Variants in MAP2K6 observed in about 807,000 individuals in gnomAD.
MAP2K6 encodes the protein mitogen-activated protein kinase kinase 6.
Under a neutral mutation model 53.7 loss-of-function variants are expected in MAP2K6, and 16 were observed. The ratio of observed to expected loss-of-function variants is 0.30; its 90% confidence interval spans 0.20 to 0.45. The LOEUF is 0.45. Among genes scored for constraint, MAP2K6 ranks in the 20% least tolerant of loss-of-function variants. MAP2K6 has a pLI of 1.00. For missense variants in MAP2K6, 204 were observed against 411.9 expected (o/e 0.50, Z 4.37); for synonymous variants, 132 against 143.1 (o/e 0.92, Z 0.55).
In MAP2K6 at chr17:69,446,976, C is replaced by CTTTTTTTTTTTTTTTTTTTTTT. The variant is rs71357721; in HGVS notation, c.16+31994_16+31995insTTTTTTTTTTTTTTTTTTTTTT. On this transcript the variant is annotated intron_variant, in intron 1 of 11. Coordinates refer to ENST00000590474, the MANE Select transcript of MAP2K6 (RefSeq NM_002758.4). ...TTGTATTTTATTATAACCTCTGTTT[C>CTTTTTTTTTTTTTTTTTTTTTT]TTTTTTTTTTTTTTTTTTGAGACGG... Among the ~76,000 whole-genome samples, 2 of 129,522 alleles carry CTTTTTTTTTTTTTTTTTTTTTT rather than the reference C, an allele frequency of 1.5e-5. 1 individual carries two copies. 85.0% of individuals were successfully genotyped at this position (129,522 alleles called of 152,430 possible).
At position 69,549,943 on chromosome 17, in the gene MAP2K6, A is replaced by G. The variant is rs1912027339; in HGVS notation, c.*8190A>G. On this transcript the variant is annotated 3_prime_UTR_variant, in exon 12 of 12. Coordinates refer to ENST00000590474, the MANE Select transcript of MAP2K6 (RefSeq NM_002758.4). The stretch of plus-strand genomic sequence containing the variant: ...ATGCAAAGGTTGGTGCTAAATTAGG[A>G]ACCCCTTGAAGGAGCAAGCTGATTA... The G allele has an allele frequency of 6.6e-6, 1 of 152,112 alleles. No individual in the cohort carries two copies. Among genetic ancestry groups the G allele is most frequent in the Non-Finnish European group, 1.5e-5 (1 of 68,006 alleles). The allele number at this position is 152,112 out of a possible 1,614,324, so 9.4% of individuals were successfully genotyped here.
rs561053269 is a variant in MAP2K6, at chr17:69,487,969, G to A, written c.17-17811G>A. Among the ~76,000 whole-genome samples, 124 of 152,104 alleles carry A rather than the reference G, an allele frequency of 8.2e-4. 1 individual carries two copies. Among genetic ancestry groups the A allele is most frequent in the South Asian group, 2.9e-3 (14 of 4,814 alleles). On this transcript the variant is annotated intron_variant, in intron 1 of 11. Transcript: ENST00000590474. ...TGATTAGCCATTAAAATCAGTTTGG[G>A]AATTAAAGAGCTTCTGTATAGCAAA...
At chr17:69,536,271 T>C (rs1372672608) in intron 11 of MAP2K6, 111 bp downstream of exon 11, 1 of 771,136 alleles carries the variant, frequency 1.3e-6, no homozygotes, top group Non-Finnish European at 2.2e-6. Context: ...GGTTCATTGA[T>C]ACATCAGTGA....
At chr17:69,454,140 A>G (rs149362884) in intron 1 of MAP2K6, among the ~76,000 whole-genome samples, 120 of 152,320 alleles carry the variant, frequency 7.9e-4, no homozygotes, top group African/African-American at 2.8e-3. Context: ...TAGGAGCAAT[A>G]AAAGAAATAT....
chr17:69,500,324 C>A (rs1413882120), intron 1 of MAP2K6, among the ~76,000 whole-genome samples: 1 of 151,558 alleles, frequency 6.6e-6, no homozygotes, highest in African/African-American at 2.4e-5. Context: ...CCTGTATTCC[C>A]AGTCGCAGCT....
In MAP2K6 at chr17:69,541,866, C is replaced by T; in HGVS notation, c.*113C>T. 1 of 754,946 alleles carries T rather than the reference C, an allele frequency of 1.3e-6. No homozygotes were observed. The highest frequency in any genetic ancestry group is 2.2e-6 in the Non-Finnish European group (1 of 461,268). 46.8% of individuals were successfully genotyped at this position (754,946 alleles called of 1,614,324 possible). On this transcript the variant is annotated 3_prime_UTR_variant, in exon 12 of 12. Coordinates refer to ENST00000590474, the MANE Select transcript of MAP2K6 (RefSeq NM_002758.4). ...TCTTTGAGATAATTTAACCCTGCCT[C>T]TCAGAGGGTTTTCTCTCCCAATTTT...
At chr17:69,486,686 G>A (rs1908549809) in intron 1 of MAP2K6, among the ~76,000 whole-genome samples, 1 of 152,176 alleles carries the variant, frequency 6.6e-6, no homozygotes, top group South Asian at 2.1e-4. Context: ...TTTTCAAATA[G>A]TCACTTCAGC....
rs1197893491 is a variant in MAP2K6 at position 69,543,914 on chromosome 17, C to T, written c.*2161C>T. The T allele has an allele frequency of 6.6e-6, 1 of 152,178 alleles. No individual in the cohort carries two copies. Among genetic ancestry groups the T allele is most frequent in the Non-Finnish European group, 1.5e-5 (1 of 68,034 alleles). 9.4% of individuals were successfully genotyped at this position (152,178 alleles called of 1,614,324 possible). A position where few individuals can be genotyped will look rare whatever the true frequency, so the allele number is the denominator to read the frequency against. ...GTCTATGGTTCTCAACCCTCGTGTA[C>T]ATTGGAACCATCTGGGAGCTGTGAA... On this transcript the variant is annotated 3_prime_UTR_variant, in exon 12 of 12. Coordinates refer to ENST00000590474, the MANE Select transcript of MAP2K6 (RefSeq NM_002758.4).
intron 8 of MAP2K6, 107 bp downstream of exon 8, chr17:69,523,748 C>T: frequency 7.3e-7 from 1 of 1,376,884 alleles, no homozygotes; most frequent in South Asian, 1.3e-5. Flanking sequence ...GTACCTAAGA[C>T]TCCAGAAGTA....
chr17:69,416,982 C>G (rs193286792), intron 1 of MAP2K6, among the ~76,000 whole-genome samples: 1 of 152,178 alleles, frequency 6.6e-6, no homozygotes, highest in Admixed American at 6.5e-5. Flanking sequence ...CTGCACTCTT[C>G]CCTATGGATG....
At chr17:69,453,565 C>A (rs1244562527) in intron 1 of MAP2K6, among the ~76,000 whole-genome samples, 2 of 152,182 alleles carry the variant, frequency 1.3e-5, no homozygotes, top group African/African-American at 4.8e-5. Flanking sequence ...TCCTGCTCAC[C>A]TCTCTCCTTT....
chr17:69,439,438 T>C (rs1906750454), intron 1 of MAP2K6, among the ~76,000 whole-genome samples: 7 of 152,200 alleles, frequency 4.6e-5, no homozygotes, highest in Admixed American at 4.6e-4. Context: ...ATTAGATGCC[T>C]GAGATTTCTA....
chr17:69,415,458 G>A (rs2145120644), intron 1 of MAP2K6, among the ~76,000 whole-genome samples: 1 of 152,262 alleles, frequency 6.6e-6, no homozygotes, highest in East Asian at 1.9e-4. Flanking sequence ...TATTCTTTGG[G>A]GGAAATAGAC....
At chr17:69,453,621 TATTG>T in intron 1 of MAP2K6, among the ~76,000 whole-genome samples, 1 of 152,246 alleles carries the variant, frequency 6.6e-6, no homozygotes, top group Non-Finnish European at 1.5e-5. Context: ...TTGAATTGCT[TATTG>T]ATTGATAATT....
intron 2 of MAP2K6, among the ~76,000 whole-genome samples, chr17:69,514,973 C>G (rs893564223): frequency 6.6e-6 from 1 of 152,132 alleles, no homozygotes; most frequent in Non-Finnish European, 1.5e-5. Flanking sequence ...TCTTTTCTCT[C>G]TCACTTTCAT....
chr17:69,516,795 G>T, intron 2 of MAP2K6, 60 bp from the exon 3 acceptor site: 1 of 1,246,828 alleles, frequency 8.0e-7, no homozygotes, highest in Non-Finnish European at 1.2e-6. Flanking sequence ...TGTGTGATTT[G>T]GGAAGGACAT....
chr17:69,535,287 T>TC (rs1191177717), intron 10 of MAP2K6, among the ~76,000 whole-genome samples: 1 of 152,194 alleles, frequency 6.6e-6, no homozygotes, highest in African/African-American at 2.4e-5. Flanking sequence ...AAACAAGTAG[T>TC]ATTACCTTAG....
intron 2 of MAP2K6, 28 bp downstream of exon 2, chr17:69,505,874 C>T (rs754785195): frequency 1.3e-6 from 2 of 1,597,068 alleles, no homozygotes; most frequent in Admixed American, 3.4e-5. Context: ...TCATCTGAAT[C>T]CAAATCCTTG....
chr17:69,500,571 A>G (rs1909123587), intron 1 of MAP2K6, among the ~76,000 whole-genome samples: 1 of 151,874 alleles, frequency 6.6e-6, no homozygotes, highest in East Asian at 1.9e-4. Flanking sequence ...CCTGACCAAC[A>G]TGGTGAAACC....
Sources: allele counts gnomAD v4.1 joint callset (sites outside exome capture counted in the v4.1 genomes callset), GRCh38; gene constraint gnomAD v4.1.1; transcripts MANE v1.5; gene names NCBI Gene and HGNC (gene_info 2026-07-23, HGNC 2026-07-21).